SCRG1: variants seen among roughly 807,000 people sequenced by gnomAD.
SCRG1 encodes the protein stimulator of chondrogenesis 1.
In SCRG1, 3 loss-of-function variants were observed where a neutral mutation model predicts 7.7. The ratio of observed to expected loss-of-function variants is 0.39; its 90% CI spans 0.18 to 1.01. SCRG1 has a LOEUF of 1.01. Among genes scored for constraint, SCRG1 ranks in the 50% least tolerant of loss-of-function variants. The pLI, the probability that SCRG1 is intolerant of heterozygous loss-of-function variation, is 0.36. For missense variants in SCRG1, 110 were observed against 117.2 expected (o/e 0.94, Z 0.28); for synonymous variants, 46 against 41.2 (o/e 1.12, Z -0.44).
At position 173,386,663 on chromosome 4, in the gene SCRG1, G is replaced by C. The variant is rs971338007; in HGVS notation, c.*1678C>G. 1.3e-5 allele frequency: 2 copies of C among 152,152 alleles called. No individual in the cohort carries two copies. Among genetic ancestry groups the C allele is most frequent in the Non-Finnish European group, 2.9e-5 (2 of 68,028 alleles). The allele number at this position is 152,152 out of a possible 1,614,324, so 9.4% of individuals were successfully genotyped here. ...GGGACCTCCAAGGATATATTTTAAT[G>C]AAATAATGTCACTTTTATTCATAAA... On this transcript the variant is annotated 3_prime_UTR_variant, in exon 3 of 3. Coordinates refer to ENST00000296506, the MANE Select transcript of SCRG1 (RefSeq NM_007281.4).
At chr4:173,512,402 G>A in the SCRG1 span, among the ~76,000 whole-genome samples, 1 of 152,218 alleles carries the variant, frequency 6.6e-6, no homozygotes, top group African/African-American at 2.4e-5. Context: ...AGACAGGAGT[G>A]GGGAGAAGCC....
the SCRG1 span, among the ~76,000 whole-genome samples, chr4:173,425,800 C>T: frequency 1.3e-5 from 2 of 152,236 alleles, no homozygotes; most frequent in African/African-American, 4.8e-5. Flanking sequence ...CCCTCCCCTG[C>T]TCCCATATCT....
chr4:173,419,380 A>T, the SCRG1 span: 2 of 1,180,816 alleles, frequency 1.7e-6, no homozygotes, highest in Non-Finnish European at 2.4e-6. Flanking sequence ...GCTTCTTTTC[A>T]TAGACTGGAT....
chr4:173,408,128 CT>C (rs1578972261), upstream of SCRG1, among the ~76,000 whole-genome samples: 1 of 152,128 alleles, frequency 6.6e-6, no homozygotes, highest in Admixed American at 6.5e-5. Flanking sequence ...GATATTTAAT[CT>C]CTAAACACAT....
the SCRG1 span, among the ~76,000 whole-genome samples, chr4:173,439,889 G>A: frequency 1.3e-5 from 2 of 152,274 alleles, no homozygotes; most frequent in East Asian, 3.9e-4. Flanking sequence ...ACGTCACACT[G>A]TCTTCATGGA....
chr4:173,389,378 CA>C (rs1175903311), intron 2 of SCRG1, among the ~76,000 whole-genome samples: 1 of 152,040 alleles, frequency 6.6e-6, no homozygotes, highest in Non-Finnish European at 1.5e-5. Flanking sequence ...ACTAAAAATA[CA>C]AAAAGAATTA....
At chr4:173,486,323 C>G in the SCRG1 span, among the ~76,000 whole-genome samples, 1 of 152,144 alleles carries the variant, frequency 6.6e-6, no homozygotes, top group Non-Finnish European at 1.5e-5. Context: ...GTGATTTTAA[C>G]CTTAAATTCT....
At chr4:173,504,341 T>C in the SCRG1 span, among the ~76,000 whole-genome samples, 4 of 152,272 alleles carry the variant, frequency 2.6e-5, no homozygotes, top group South Asian at 8.3e-4. The surrounding 1 kb of genome is among the most constrained non-coding windows in gnomAD (Gnocchi z 4.7). Flanking sequence ...GGGGAGGACC[T>C]ATAAGGTACC....
At position 173,391,404 on chromosome 4, in the gene SCRG1, A is replaced by G. The variant is rs772245432; in HGVS notation, c.11T>C (p.Met4Thr). 3.7e-6 allele frequency: 6 copies of G among 1,614,054 alleles called. No homozygotes were observed. In the Admixed American group the frequency reaches 1.0e-4, roughly 27 times the overall value. Reference sequence around the variant, plus strand: ...TAGCCCAATGGTGAAAACAAGTACCATCAGTTTCATTTTGGCTTTTGGCCC... The same window carrying G: ...TAGCCCAATGGTGAAAACAAGTACCGTCAGTTTCATTTTGGCTTTTGGCCC... MKL[M>T]VLVFTIGLTL... The change falls in exon 2 of 3, where the codon ATG (methionine) becomes ACG (threonine). Residue 4 changes from methionine (M) to threonine (T), a missense_variant. By Grantham distance (81) the Met-to-Thr change is moderately conservative. Transcript: ENST00000296506.
At chr4:173,433,125 C>A in the SCRG1 span, among the ~76,000 whole-genome samples, 2 of 152,200 alleles carry the variant, frequency 1.3e-5, no homozygotes, top group Non-Finnish European at 2.9e-5. Flanking sequence ...GCTTTAGAAG[C>A]AAACCAACAA....
At chr4:173,411,830 CTG>C in the SCRG1 span, among the ~76,000 whole-genome samples, 2 of 152,154 alleles carry the variant, frequency 1.3e-5, no homozygotes, top group African/African-American at 4.8e-5. Flanking sequence ...ATGGAGGAAA[CTG>C]TACTAAATGC....
At chr4:173,390,847 A>G (rs953257564) in intron 2 of SCRG1, among the ~76,000 whole-genome samples, 4 of 152,138 alleles carry the variant, frequency 2.6e-5, no homozygotes, top group African/African-American at 9.7e-5. Flanking sequence ...TAAGAGTTCA[A>G]CCTTGAGATT....
At chr4:173,424,541 G>A in the SCRG1 span, among the ~76,000 whole-genome samples, 1 of 152,208 alleles carries the variant, frequency 6.6e-6, no homozygotes, top group Non-Finnish European at 1.5e-5. Context: ...TTGCTCTAAA[G>A]AGCAACTGAT....
At chr4:173,477,743 CTTCCTTCCTTCCTTCCTTCCTTCCTTCT>C in the SCRG1 span, among the ~76,000 whole-genome samples, 2 of 143,660 alleles carry the variant, frequency 1.4e-5, no homozygotes, top group Non-Finnish European at 3.0e-5. Context: ...TCCTTCCTTC[CTTCCTTCCTTCCTTCCTTCCTTCCTTCT>C]TTCCTTCCTT....
At chr4:173,438,954 G>C in the SCRG1 span, among the ~76,000 whole-genome samples, 1 of 151,936 alleles carries the variant, frequency 6.6e-6, no homozygotes, top group Non-Finnish European at 1.5e-5. Context: ...TCCAAGGAAC[G>C]GTTCCAATTA....
At chr4:173,492,188 G>T in the SCRG1 span, among the ~76,000 whole-genome samples, 1 of 152,002 alleles carries the variant, frequency 6.6e-6, no homozygotes, top group African/African-American at 2.4e-5. Context: ...ATCAAAACAG[G>T]CAGAATAGTC....
chr4:173,480,322 CA>C, the SCRG1 span, among the ~76,000 whole-genome samples: 1 of 149,738 alleles, frequency 6.7e-6, no homozygotes, highest in East Asian at 2.0e-4. Context: ...TAGTACAGTA[CA>C]AAAAAGTGAT....
At chr4:173,399,848 T>C (rs1739715777), upstream of SCRG1, among the ~76,000 whole-genome samples, 1 of 152,184 alleles carries the variant, frequency 6.6e-6, no homozygotes, top group Non-Finnish European at 1.5e-5. Flanking sequence ...AGATATTATA[T>C]TGTAATGGAG....
intron 1 of SCRG1, among the ~76,000 whole-genome samples, chr4:173,398,719 A>G (rs1739671426): frequency 6.6e-6 from 1 of 152,218 alleles, no homozygotes; most frequent in Non-Finnish European, 1.5e-5. Flanking sequence ...ATACTTTATC[A>G]TCCTCACATA....
Sources: allele counts gnomAD v4.1 joint callset (sites outside exome capture counted in the v4.1 genomes callset), GRCh38; gene constraint gnomAD v4.1.1; non-coding constraint Gnocchi (gnomAD v3.1); transcripts MANE v1.5; gene names NCBI Gene and HGNC (gene_info 2026-07-23, HGNC 2026-07-21).